Variants in LRRC7 observed in about 807,000 individuals in gnomAD.
LRRC7 encodes the protein leucine rich repeat containing 7.
A neutral mutation model predicts 175.7 loss-of-function variants in LRRC7; 23 were observed. That is an observed-to-expected ratio of 0.13 (90% confidence interval 0.09 to 0.19). LRRC7 has a LOEUF of 0.19. Ranked by LOEUF, LRRC7 falls within the 10% of genes least tolerant of loss-of-function variation. The pLI is 1.00. For synonymous variants in LRRC7, 685 were observed against 680.9 expected (o/e 1.01, Z -0.09); for missense variants, 1,354 against 1,904.7 (o/e 0.71, Z 5.38).
chr1:70,007,196 C>T (rs927127320), intron 11 of LRRC7, among the ~76,000 whole-genome samples: 1 of 152,188 alleles, frequency 6.6e-6, no homozygotes, highest in African/African-American at 2.4e-5. Flanking sequence ...CATTCTGAGG[C>T]TATCCCAGAG....
At chr1:69,767,156 G>A (rs1418200304) in intron 3 of LRRC7, among the ~76,000 whole-genome samples, 1 of 152,052 alleles carries the variant, frequency 6.6e-6, no homozygotes, top group Non-Finnish European at 1.5e-5. Flanking sequence ...TCTTTTCACT[G>A]AGCATCATGT....
At chr1:69,986,533 T>A in intron 10 of LRRC7, 147 bp downstream of exon 10, 1 of 589,912 alleles carries the variant, frequency 1.7e-6, no homozygotes, top group Non-Finnish European at 2.6e-6. Flanking sequence ...CATAAAATAG[T>A]ATCTAACAAA....
At chr1:69,638,643 G>A (rs1180021585) in intron 1 of LRRC7, among the ~76,000 whole-genome samples, 3 of 151,476 alleles carry the variant, frequency 2.0e-5, no homozygotes, top group African/African-American at 7.3e-5. Flanking sequence ...ACCAGATATG[G>A]GTACATTAAA....
intron 7 of LRRC7, among the ~76,000 whole-genome samples, chr1:69,889,677 T>A (rs201073475): frequency 1.3e-5 from 2 of 152,082 alleles, no homozygotes; most frequent in South Asian, 2.1e-4. Context: ...TGTGGTGTCA[T>A]GCACCTGTAG....
intron 17 of LRRC7, among the ~76,000 whole-genome samples, chr1:70,024,842 T>A (rs552212064): frequency 2.6e-5 from 4 of 152,164 alleles, no homozygotes; most frequent in Admixed American, 2.0e-4. Context: ...GCATAAAATA[T>A]GCTTGCATAG....
intron 2 of LRRC7, among the ~76,000 whole-genome samples, chr1:69,722,403 G>T (rs1314605791): frequency 6.6e-6 from 1 of 151,962 alleles, no homozygotes; most frequent in African/African-American, 2.4e-5. Flanking sequence ...ATATCTAGAA[G>T]AAATAAAATT....
chr1:69,605,937 G>A (rs1341247004), intron 1 of LRRC7, among the ~76,000 whole-genome samples: 3 of 152,078 alleles, frequency 2.0e-5, no homozygotes, highest in Non-Finnish European at 4.4e-5. Context: ...CTAATGCTAT[G>A]CCAGAAAGTT....
intron 7 of LRRC7, among the ~76,000 whole-genome samples, chr1:69,890,946 G>A (rs1180578501): frequency 3.9e-5 from 6 of 152,212 alleles, no homozygotes; most frequent in Non-Finnish European, 7.3e-5. Context: ...ATTAGTCTTT[G>A]GCTTAAGAGA....
At position 69,720,897 on chromosome 1, in the gene LRRC7, G is replaced by A. The variant is rs577106976; in HGVS notation, c.101-39294G>A. On this transcript the variant is annotated intron_variant, in intron 2 of 26. Transcript: ENST00000651989. ...CCATCTAACCACTTTTAAGTGTACA[G>A]TTCAGTGACATTAACTGCATTCAGA... Among the ~76,000 whole-genome samples, 4 of 151,794 alleles carry A rather than the reference G, an allele frequency of 2.6e-5. No individual in the cohort carries two copies. The South Asian group carries it at 8.3e-4, about 31-fold the overall frequency.
chr1:69,912,221 A>T (rs1913270), intron 7 of LRRC7, among the ~76,000 whole-genome samples: 1 of 151,830 alleles, frequency 6.6e-6, no homozygotes, highest in Non-Finnish European at 1.5e-5. Flanking sequence ...CTTTTTCAAT[A>T]AAATATAGCC....
intron 6 of LRRC7, among the ~76,000 whole-genome samples, chr1:69,837,080 C>T (rs926208377): frequency 5.3e-5 from 8 of 151,820 alleles, no homozygotes; most frequent in African/African-American, 1.9e-4. Context: ...ATAGTGTGTC[C>T]TAGACTGCAA....
chr1:69,678,996 A>C (rs1409137152), intron 2 of LRRC7, among the ~76,000 whole-genome samples: 3 of 152,100 alleles, frequency 2.0e-5, no homozygotes, highest in African/African-American at 7.2e-5. Context: ...AATTTAGGAA[A>C]ATGTTCTGAA....
chr1:69,776,716 G>GGT (rs376249477), intron 3 of LRRC7, among the ~76,000 whole-genome samples: 3 of 150,452 alleles, frequency 2.0e-5, no homozygotes, highest in South Asian at 2.1e-4. Flanking sequence ...GGTGTGTGTG[G>GGT]GTGTGTGTGT....
At chr1:69,817,588 C>T (rs1678749710) in intron 4 of LRRC7, among the ~76,000 whole-genome samples, 1 of 151,944 alleles carries the variant, frequency 6.6e-6, no homozygotes, top group Admixed American at 6.6e-5. Flanking sequence ...TTTCTTCTTG[C>T]TCAAAATTAC....
chr1:70,044,158 A>G, intron 22 of LRRC7, 64 bp downstream of exon 22: 1 of 1,562,238 alleles, frequency 6.4e-7, no homozygotes, highest in Non-Finnish European at 8.7e-7. Context: ...TTGTTCACTT[A>G]ATGTGTTTAG....
At chr1:69,584,789 T>C (rs1646341671) in intron 1 of LRRC7, among the ~76,000 whole-genome samples, 1 of 152,142 alleles carries the variant, frequency 6.6e-6, no homozygotes, top group Non-Finnish European at 1.5e-5. Flanking sequence ...TAAGTCTAGC[T>C]ATTATCTACA....
intron 7 of LRRC7, among the ~76,000 whole-genome samples, chr1:69,870,643 A>G (rs1275571392): frequency 6.6e-6 from 1 of 152,126 alleles, no homozygotes; most frequent in Non-Finnish European, 1.5e-5. Context: ...CCCGATGCCT[A>G]GAATTCCTTC....
chr1:69,802,717 C>G (rs1350306471), intron 4 of LRRC7, among the ~76,000 whole-genome samples: 1 of 151,184 alleles, frequency 6.6e-6, no homozygotes, highest in Non-Finnish European at 1.5e-5. Context: ...CATTTATATC[C>G]AAGATTAATA....
In LRRC7 at chr1:70,038,540, A is replaced by C. The variant is rs778481361; in HGVS notation, c.2716A>C (p.Thr906Pro). 1.9e-6 allele frequency: 3 copies of C among 1,613,906 alleles called. No homozygotes were observed. The highest frequency in any genetic ancestry group is 2.5e-6 in the Non-Finnish European group (3 of 1,179,988). ...TTCCAAATTAGAGACAACCCCCACT[A>C]CCAGCCCATTGCCTGAAAGGAAAGA... ...FPSKLETTPTTSPLPERKEHI... is the reference protein window; with the variant it reads ...FPSKLETTPTPSPLPERKEHI... The change falls in exon 21 of 27, where the codon ACC becomes CCC. Residue 906 changes from threonine (T) to proline (P), a missense_variant. By Grantham distance (38) the Thr-to-Pro change is conservative (BLOSUM62 -1). Coordinates refer to ENST00000651989, the MANE Select transcript of LRRC7 (RefSeq NM_001370785.2).
Sources: allele counts gnomAD v4.1 joint callset (sites outside exome capture counted in the v4.1 genomes callset), GRCh38; gene constraint gnomAD v4.1.1; transcripts MANE v1.5; gene names NCBI Gene and HGNC (gene_info 2026-07-23, HGNC 2026-07-21).